The following GON4L variants were observed in gnomAD, a reference collection of about 807,000 sequenced individuals.
GON4L encodes gon-4 like, also known as GON-4-like protein.
In GON4L, 87 loss-of-function variants were observed where a neutral mutation model predicts 211.8. The ratio of observed to expected loss-of-function variants is 0.41; its 90% CI spans 0.35 to 0.49. GON4L has a LOEUF of 0.49. GON4L is among the 20% of genes least tolerant of loss of function. The probability of loss-of-function intolerance (pLI) is 0.15; values close to 1 mark genes in which losing one functional copy is unlikely to be tolerated. For synonymous variants in GON4L, 875 were observed against 962.6 expected (o/e 0.91, Z 1.68); for missense variants, 2,155 against 2,659.5 (o/e 0.81, Z 4.17).
chr1:155,817,667 A>T (rs1029201605), intron 6 of GON4L, among the ~76,000 whole-genome samples: 59 of 152,272 alleles, frequency 3.9e-4, no homozygotes, highest in African/African-American at 1.3e-3. Flanking sequence ...TAATCCCCCC[A>T]TGTTGGGAGA....
chr1:155,858,703 ATTTT>A (rs61526659), upstream of GON4L, among the ~76,000 whole-genome samples: 4 of 89,274 alleles, frequency 4.5e-5, no homozygotes, highest in Admixed American at 1.4e-4. Context: ...GTACAACCAA[ATTTT>A]TTTTTTTTTT....
At chr1:155,822,825 G>C (rs571063792) in intron 3 of GON4L, among the ~76,000 whole-genome samples, 1 of 152,130 alleles carries the variant, frequency 6.6e-6, no homozygotes, top group South Asian at 2.1e-4. Flanking sequence ...CGGAGTTTTC[G>C]CTCTTTGTTG....
chr1:155,757,715 C>T (rs1661343907), intron 25 of GON4L, among the ~76,000 whole-genome samples, 176 bp downstream of exon 25: 1 of 125,644 alleles, frequency 8.0e-6, no homozygotes, highest in Non-Finnish European at 1.7e-5. Flanking sequence ...CAATCCCTCC[C>T]TATCCCAGTG....
intron 5 of GON4L, among the ~76,000 whole-genome samples, chr1:155,820,917 G>GT (rs1668672861): frequency 6.6e-6 from 1 of 152,124 alleles, no homozygotes; most frequent in Admixed American, 6.6e-5. Flanking sequence ...CAGCTTAGGA[G>GT]TTTGAGTCCA....
rs562326023 is a variant in GON4L at position 155,765,998 on chromosome 1, C to T, written c.3475G>A (p.Gly1159Ser). 1.9e-5 allele frequency: 30 copies of T among 1,614,154 alleles called. No individual in the cohort carries two copies. Among genetic ancestry groups the T allele is most frequent in the Admixed American group, 8.3e-5 (5 of 60,016 alleles). The stretch of plus-strand genomic sequence containing the variant: ...ACAGGCTGGATCATGTTACAGCCAC[C>T]GCCAAGGCTCACAATCTTCACAGTG... ...ATTVKIVSLGGGCNMIQPVNA... is the reference protein window; with the variant it reads ...ATTVKIVSLGSGCNMIQPVNA... Residue 1159 changes from glycine to serine, a missense_variant, in exon 21 of 32, where the codon GGT becomes AGT. By Grantham distance (56) the Gly-to-Ser change is moderately conservative. Around this residue, in one of 6 missense-constraint regions of GON4L, gnomAD observed 615 missense variants for 625.7 expected, o/e 0.98. Coordinates refer to ENST00000368331, the MANE Select transcript of GON4L (RefSeq NM_001282860.2).
intron 19 of GON4L, among the ~76,000 whole-genome samples, chr1:155,769,930 T>C (rs1278343931): frequency 7.2e-6 from 1 of 138,744 alleles, no homozygotes; most frequent in East Asian, 2.2e-4. Flanking sequence ...AAATCCAATA[T>C]ACCAGGAAGT....
intron 18 of GON4L, among the ~76,000 whole-genome samples, chr1:155,772,270 C>T (rs947142133): frequency 2.0e-5 from 3 of 151,672 alleles, no homozygotes; most frequent in Non-Finnish European, 4.4e-5. Flanking sequence ...ACTAACAATA[C>T]AAAGGAAGTT....
At chr1:155,835,326 TGCGGAAG>T (rs1351724258) in intron 2 of GON4L, among the ~76,000 whole-genome samples, 73 of 152,190 alleles carry the variant, frequency 4.8e-4, no homozygotes, top group African/African-American at 1.6e-3. Context: ...ACACAAACAC[TGCGGAAG>T]GCCGCAGGGT....
rs1026445134 is a variant in GON4L at position 155,766,557 on chromosome 1, T to C, written c.2916A>G (p.Leu972=). 1.2e-6 allele frequency: 2 copies of C among 1,613,934 alleles called. No individual in the cohort carries two copies. The highest frequency in any genetic ancestry group is 1.7e-5 in the Admixed American group (1 of 59,990). ...ELGSESRYPL[L]LPKGVVLKLK... is the part of the protein sequence containing the mutation. ...GTTTCAGGACTACACCCTTAGGCAA[T>C]AGCAGTGGGTACCGAGATTCACTCC... Residue 972 remains leucine (L), a synonymous_variant, in exon 21 of 32, where the codon CTA becomes CTG. Transcript: ENST00000368331.
rs938808440 is a variant in GON4L at position 155,765,809 on chromosome 1, C to T, written c.3664G>A (p.Glu1222Lys). 5.0e-6 allele frequency: 8 copies of T among 1,614,150 alleles called. No homozygotes were observed. The highest frequency in any genetic ancestry group is 6.8e-6 in the Non-Finnish European group (8 of 1,180,036). ...TCCACATTCACGTGGGCCTTATCTT[C>T]AGGGGTGGATGGTATAGGAAGATTC... ...SVNLPIPSTP[E>K]DKAHVNVDIA... The change falls in exon 21 of 32, where the codon GAA becomes AAA. Residue 1222 changes from glutamate to lysine, a missense_variant. Coordinates refer to ENST00000368331, the MANE Select transcript of GON4L (RefSeq NM_001282860.2).
chr1:155,749,287 C>T (rs1335534373), downstream of GON4L: 25 of 1,609,256 alleles, frequency 1.6e-5, no homozygotes, highest in Non-Finnish European at 2.1e-5. Context: ...GTTATTCATG[C>T]TGCCACAGAC....
chr1:155,767,563 A>G, intron 19 of GON4L, 22 bp from the exon 20 acceptor site: 2 of 1,598,892 alleles, frequency 1.3e-6, no homozygotes, highest in Non-Finnish European at 1.7e-6. Context: ...AAAAATGCGC[A>G]TGAATTACAT....
intron 8 of GON4L, among the ~76,000 whole-genome samples, chr1:155,815,261 G>A (rs987130611): frequency 1.3e-5 from 2 of 152,056 alleles, no homozygotes; most frequent in Non-Finnish European, 2.9e-5. Context: ...GAAAGGGAAC[G>A]AAGTATAGCT....
chr1:155,827,311 T>C (rs955630189), intron 2 of GON4L, among the ~76,000 whole-genome samples: 1 of 152,236 alleles, frequency 6.6e-6, no homozygotes, highest in Non-Finnish European at 1.5e-5. Context: ...AAATTCCTGA[T>C]GACATTTTAT....
At position 155,849,591 on chromosome 1, in the gene GON4L, T is replaced by C. The variant is rs369638791; in HGVS notation, c.505+3685A>G. ...TAGTTCAAAACCAGCCTGACCAACA[T>C]GGTGAAACCCCGTCTCTACTAAAAA... On this transcript the variant is annotated intron_variant, in intron 2 of 31. Coordinates refer to ENST00000368331, the MANE Select transcript of GON4L (RefSeq NM_001282860.2). Among the ~76,000 whole-genome samples the C allele has an allele frequency of 1.7e-3, 234 of 134,462 alleles. 1 individual carries two copies. Among genetic ancestry groups the C allele is most frequent in the African/African-American group, 6.2e-3 (221 of 35,710 alleles). 88.2% of individuals were successfully genotyped at this position (134,462 alleles called of 152,430 possible).
chr1:155,791,252 G>A (rs1019797219), intron 12 of GON4L, among the ~76,000 whole-genome samples: 1 of 151,932 alleles, frequency 6.6e-6, no homozygotes, highest in South Asian at 2.1e-4. Context: ...ACAAGAGTGA[G>A]ACTTCGTCTC....
chr1:155,791,194 G>A (rs749254774), intron 12 of GON4L, among the ~76,000 whole-genome samples: 7 of 151,604 alleles, frequency 4.6e-5, no homozygotes, highest in Admixed American at 2.6e-4. Context: ...CCTGGGAGGC[G>A]GAGGCTGCAG....
In GON4L at chr1:155,857,203, T is replaced by A. The variant is rs896452298; in HGVS notation, c.-83A>T. The A allele has an allele frequency of 6.6e-6, 1 of 152,420 alleles. No individual in the cohort carries two copies. The highest frequency in any genetic ancestry group is 1.5e-5 in the Non-Finnish European group (1 of 68,126). The allele number at this position is 152,420 out of a possible 1,614,324, so 9.4% of individuals were successfully genotyped here. Reference sequence around the variant, plus strand: ...GAAACGGCTTTGGCACCACCGGAAGTCAGCCAACAACAGCGAATTGCGTGC... The same window carrying A: ...GAAACGGCTTTGGCACCACCGGAAGACAGCCAACAACAGCGAATTGCGTGC... On this transcript the variant is annotated 5_prime_UTR_variant, in exon 1 of 32. Transcript: ENST00000368331.
chr1:155,748,037 G>T (rs1660304143), downstream of GON4L: 17 of 1,607,512 alleles, frequency 1.1e-5, no homozygotes, highest in Non-Finnish European at 1.4e-5. Flanking sequence ...GCACCTGACT[G>T]CTCACAGCTC....
Sources: gnomAD v4.1 joint callset for allele counts (sites outside exome capture counted in the v4.1 genomes callset) on GRCh38, gnomAD v4.1.1 for gene constraint, gnomAD v4.1.1 regional missense constraint, MANE v1.5 for transcripts, NCBI Gene and HGNC (gene_info 2026-07-23, HGNC 2026-07-21) for gene names.